RUBCNL: variants seen among roughly 807,000 people sequenced by gnomAD.
RUBCNL encodes protein associated with UVRAG as autophagy enhancer.
Under a neutral mutation model 69.5 loss-of-function variants are expected in RUBCNL, and 62 were observed. The ratio of observed to expected loss-of-function variants is 0.89; its 90% CI spans 0.73 to 1.10. The LOEUF (loss-of-function observed/expected upper bound fraction) is 1.10, where lower values mean the gene tolerates loss of function less well. RUBCNL is among the 50% of genes least tolerant of loss of function. The probability of loss-of-function intolerance (pLI) is 0.00; values close to 1 mark genes in which losing one functional copy is unlikely to be tolerated. For synonymous variants in RUBCNL, 291 were observed against 303.6 expected, an observed-to-expected ratio of 0.96 and a Z score of 0.43; for missense variants, 768 against 798.1, an observed-to-expected ratio of 0.96 and a Z score of 0.45.
At chr13:46,344,018 C>A (rs751465231) in intron 14 of RUBCNL, among the ~76,000 whole-genome samples, 5 of 152,210 alleles carry the variant, frequency 3.3e-5, no homozygotes, top group Admixed American at 6.5e-5. Context: ...TGCAACCCCA[C>A]CACAGTTCAA....
chr13:46,342,644 T>C lies in RUBCNL; in HGVS notation c.*741A>G, dbSNP rs373134725. On this transcript the variant is annotated 3_prime_UTR_variant, in exon 15 of 15. Coordinates refer to ENST00000429979, the MANE Select transcript of RUBCNL (RefSeq NM_025113.5). ...CAGTTTTACATCTGTTAAAGCAAGA[T>C]CCTCAAGGGCAGGGATGGAATTCTA... The C allele has an allele frequency of 3.3e-5, 5 of 152,182 alleles. No individual in the cohort carries two copies. The highest frequency in any genetic ancestry group is 7.2e-5 in the African/African-American group (3 of 41,428). The allele number at this position is 152,182 out of a possible 1,614,324, so 9.4% of individuals were successfully genotyped here. A position where few individuals can be genotyped will look rare whatever the true frequency, so the allele number is the denominator to read the frequency against.
rs2048142664 is a variant in RUBCNL at position 46,341,550 on chromosome 13, T to C, written c.*1835A>G. ...CCTGGCAACTGCTGTGCACTCTTCC[T>C]TAATATCAAAGATATGTAACACACA... On this transcript the variant is annotated 3_prime_UTR_variant, in exon 15 of 15. Transcript: ENST00000429979. Among the ~76,000 whole-genome samples, 1 of 152,238 alleles carries C rather than the reference T, an allele frequency of 6.6e-6. No homozygotes were observed. Among genetic ancestry groups the C allele is most frequent in the Non-Finnish European group, 1.5e-5 (1 of 68,048 alleles).
chr13:46,377,365 G>A (rs1365822264), intron 2 of RUBCNL, among the ~76,000 whole-genome samples: 4 of 152,218 alleles, frequency 2.6e-5, no homozygotes, highest in Non-Finnish European at 5.9e-5. Context: ...GTGGATTCAA[G>A]CAATTCTCAT....
intron 7 of RUBCNL, among the ~76,000 whole-genome samples, 169 bp from the exon 8 acceptor site, chr13:46,361,742 C>T (rs1448030914): frequency 6.6e-6 from 1 of 152,100 alleles, no homozygotes; most frequent in East Asian, 1.9e-4. Context: ...ATGGCTCCTG[C>T]ATGTTCAATA....
At chr13:46,358,444 C>T (rs540682787) in intron 9 of RUBCNL, among the ~76,000 whole-genome samples, 240 of 152,302 alleles carry the variant, frequency 1.6e-3, no homozygotes, top group African/African-American at 5.5e-3. Context: ...TAAACTATTA[C>T]TTTAAATTTA....
At chr13:46,384,737 C>T (rs1365966285) in intron 1 of RUBCNL, among the ~76,000 whole-genome samples, 4 of 152,148 alleles carry the variant, frequency 2.6e-5, no homozygotes, top group African/African-American at 9.7e-5. Flanking sequence ...CTACTGATGA[C>T]AAAAAGGCTT....
intron 12 of RUBCNL, among the ~76,000 whole-genome samples, chr13:46,347,866 G>A (rs1397422489): frequency 1.3e-5 from 2 of 152,122 alleles, no homozygotes; most frequent in Non-Finnish European, 2.9e-5. Context: ...GGTTGCGGGC[G>A]CCTGTAGTCC....
chr13:46,356,104 G>C (rs1594145487), intron 10 of RUBCNL, among the ~76,000 whole-genome samples: 1 of 152,180 alleles, frequency 6.6e-6, no homozygotes, highest in Admixed American at 6.5e-5. Context: ...TGTCTGCAGA[G>C]AGAGCATTTG....
intron 10 of RUBCNL, among the ~76,000 whole-genome samples, chr13:46,353,096 C>T (rs2048406010): frequency 6.6e-6 from 1 of 152,182 alleles, no homozygotes; most frequent in Admixed American, 6.5e-5. Flanking sequence ...GCCATCATGT[C>T]CCACTCCTCC....
At chr13:46,352,578 G>A (rs752672925) in intron 10 of RUBCNL, among the ~76,000 whole-genome samples, 1 of 151,850 alleles carries the variant, frequency 6.6e-6, no homozygotes, top group Admixed American at 6.6e-5. Flanking sequence ...GCCGAGGTGG[G>A]CAGATCACCT....
At position 46,338,464 on chromosome 13, in the gene RUBCNL, C is replaced by T. The variant is rs554798733; in HGVS notation, c.*4921G>A. ...GGCTGGACCAGGGGAAAGACCTGAG[C>T]AGCCCTAAAAGTGGGGTTGAGACCA... On this transcript the variant is annotated 3_prime_UTR_variant, in exon 15 of 15. Coordinates refer to ENST00000429979, the MANE Select transcript of RUBCNL (RefSeq NM_025113.5). Among the ~76,000 whole-genome samples the T allele has an allele frequency of 6.6e-6, 1 of 152,146 alleles. No individual in the cohort carries two copies. Among genetic ancestry groups the T allele is most frequent in the Admixed American group, 6.5e-5 (1 of 15,280 alleles).
rs567742134 is a variant in RUBCNL, at chr13:46,366,696, G to T, written c.826+1346C>A. 1.4e-4 allele frequency among the ~76,000 whole-genome samples: 22 copies of T among 152,324 alleles called. No homozygotes were observed. In the South Asian group the frequency reaches 4.4e-3, roughly 30 times the overall value. ...ATTAACGTGTAGTAAAGGAAGTCAA[G>T]AAGAAAAGCAAGCTTCAGTGGTTTT... is the stretch of plus-strand genomic sequence containing the variant. On this transcript the variant is annotated intron_variant, in intron 5 of 14. Transcript: ENST00000429979.
intron 1 of RUBCNL, among the ~76,000 whole-genome samples, chr13:46,384,584 G>C (rs1337645552): frequency 6.6e-6 from 1 of 152,080 alleles, no homozygotes; most frequent in Non-Finnish European, 1.5e-5. Context: ...AAACGTTGAG[G>C]TCTAATTTAC....
intron 6 of RUBCNL, 64 bp from the exon 7 acceptor site, chr13:46,362,662 T>G: frequency 8.7e-7 from 1 of 1,150,712 alleles, no homozygotes; most frequent in Non-Finnish European, 1.3e-6. Context: ...TCGCAGTCCA[T>G]TTTATAAGAA....
chr13:46,367,131 C>T (rs1216292264), intron 5 of RUBCNL, among the ~76,000 whole-genome samples: 3 of 152,222 alleles, frequency 2.0e-5, no homozygotes, highest in Non-Finnish European at 4.4e-5. Context: ...CTTAGGCACT[C>T]GTCCCTCGGG....
chr13:46,386,164 C>CA lies in RUBCNL; in HGVS notation c.-239+969dup, dbSNP rs1229626597. The stretch of plus-strand genomic sequence containing the variant: ...AGGCTTCAAAACACTTCCCTCCCTC[C>CA]AGGCCATTAACCTTCTAAACCACAC... On this transcript the variant is annotated intron_variant, in intron 1 of 14. Coordinates refer to ENST00000429979, the MANE Select transcript of RUBCNL (RefSeq NM_025113.5). Among the ~76,000 whole-genome samples the CA allele has an allele frequency of 2.6e-5, 4 of 152,240 alleles. No homozygotes were observed. The East Asian group carries it at 5.8e-4, about 22-fold the overall frequency.
At chr13:46,371,082 A>G (rs2048865539) in intron 3 of RUBCNL, among the ~76,000 whole-genome samples, 1 of 152,232 alleles carries the variant, frequency 6.6e-6, no homozygotes, top group Non-Finnish European at 1.5e-5. Flanking sequence ...CATTTCCAAA[A>G]GAACACATAA....
chr13:46,364,124 A>G (rs259701), intron 5 of RUBCNL, among the ~76,000 whole-genome samples: 59,435 of 151,932 alleles, frequency 0.39, 12,220 homozygotes, highest in East Asian at 0.59. Flanking sequence ...GGCTGGGCGC[A>G]GTGGCTCATG....
intron 9 of RUBCNL, among the ~76,000 whole-genome samples, chr13:46,358,727 G>C (rs1244763404): frequency 1.3e-5 from 2 of 151,910 alleles, no homozygotes; most frequent in East Asian, 3.9e-4. Flanking sequence ...GTTTATTTTT[G>C]TATTTTTAGT....
Sources: gnomAD v4.1 joint callset for allele counts (sites outside exome capture counted in the v4.1 genomes callset) on GRCh38, gnomAD v4.1.1 for gene constraint, MANE v1.5 for transcripts, NCBI Gene and HGNC (gene_info 2026-07-23, HGNC 2026-07-21) for gene names.